The following ENOX1 variants were observed in gnomAD, a reference collection of about 807,000 sequenced individuals.
ENOX1 encodes ecto-NOX disulfide-thiol exchanger 1.
A neutral mutation model predicts 82.5 loss-of-function variants in ENOX1; 42 were observed. That is an observed-to-expected ratio of 0.51 (90% CI 0.40 to 0.66). The LOEUF is 0.66. Ranked by LOEUF, ENOX1 falls within the 30% of genes least tolerant of loss-of-function variation. The pLI is 0.00. For missense variants in ENOX1, 608 were observed against 811.6 expected, an observed-to-expected ratio of 0.75 and a Z score of 3.05; for synonymous variants, 271 against 282.2, an observed-to-expected ratio of 0.96 and a Z score of 0.40.
intron 14 of ENOX1, among the ~76,000 whole-genome samples, chr13:43,254,263 G>A (rs1334832804): frequency 4.6e-5 from 7 of 152,142 alleles, no homozygotes; most frequent in Non-Finnish European, 8.8e-5. Flanking sequence ...AGAGTTCACA[G>A]CACACGACCT....
At chr13:43,715,302 C>CT (rs1442809431) in intron 1 of ENOX1, among the ~76,000 whole-genome samples, 1 of 152,130 alleles carries the variant, frequency 6.6e-6, no homozygotes, top group East Asian at 1.9e-4. Context: ...ATGGGCTTCC[C>CT]TTTGTGGGTA....
chr13:43,634,013 A>G (rs938894784), intron 2 of ENOX1, among the ~76,000 whole-genome samples: 17 of 152,118 alleles, frequency 1.1e-4, no homozygotes, highest in Admixed American at 9.2e-4. Context: ...TATTAATATC[A>G]CCTTTACCTG....
intron 12 of ENOX1, among the ~76,000 whole-genome samples, chr13:43,283,047 C>T (rs2045486254): frequency 6.6e-6 from 1 of 151,462 alleles, no homozygotes; most frequent in Non-Finnish European, 1.5e-5. Flanking sequence ...CACGCCACTG[C>T]ATTCCAGCCT....
At chr13:43,412,260 T>C (rs905290327) in intron 4 of ENOX1, among the ~76,000 whole-genome samples, 1 of 152,138 alleles carries the variant, frequency 6.6e-6, no homozygotes, top group Non-Finnish European at 1.5e-5. Context: ...CTTAATGACA[T>C]GTAGTTTATA....
intron 3 of ENOX1, among the ~76,000 whole-genome samples, chr13:43,470,622 A>G (rs940664353): frequency 5.6e-4 from 85 of 151,468 alleles, no homozygotes; most frequent in Non-Finnish European, 8.6e-4. Context: ...TTACATACAT[A>G]TATATTTTTA....
intron 2 of ENOX1, among the ~76,000 whole-genome samples, chr13:43,583,847 GC>G (rs2080858943): frequency 6.7e-6 from 1 of 149,160 alleles, no homozygotes; most frequent in Non-Finnish European, 1.5e-5. Context: ...TAGGGTAAGG[GC>G]CATGTCTTAT....
At chr13:43,371,505 C>T (rs2051242168) in intron 5 of ENOX1, among the ~76,000 whole-genome samples, 1 of 152,118 alleles carries the variant, frequency 6.6e-6, no homozygotes, top group Non-Finnish European at 1.5e-5. Context: ...GATGGTAATT[C>T]ACAGCATGTA....
chr13:43,596,662 G>A (rs1048187569), intron 2 of ENOX1, among the ~76,000 whole-genome samples: 1 of 152,198 alleles, frequency 6.6e-6, no homozygotes, highest in African/African-American at 2.4e-5. Flanking sequence ...CATAGAATAT[G>A]GGCAATAAAA....
chr13:43,263,499 T>G (rs1398355350), intron 14 of ENOX1, among the ~76,000 whole-genome samples: 2 of 152,224 alleles, frequency 1.3e-5, no homozygotes, highest in African/African-American at 4.8e-5. Flanking sequence ...ATTATCTCAC[T>G]TTACTTTTTC....
chr13:43,538,937 C>T (rs2078589785), intron 2 of ENOX1, among the ~76,000 whole-genome samples: 1 of 152,130 alleles, frequency 6.6e-6, no homozygotes, highest in Non-Finnish European at 1.5e-5. Flanking sequence ...AATCCTCTCA[C>T]ATCAGACTCT....
Position 43,567,029 on chromosome 13 carries a change from T to C in ENOX1, c.-218-82877A>G, listed in dbSNP as rs780280231. Among the ~76,000 whole-genome samples the C allele has an allele frequency of 3.3e-5, 5 of 152,158 alleles. No individual in the cohort carries two copies. In the South Asian group the frequency reaches 8.3e-4, roughly 25 times the overall value. ...AAGAGACAGCCAACAGAAAATGTTA[T>C]TCCATCCAAGAAATCAATTTGTTTA... On this transcript the variant is annotated intron_variant, in intron 2 of 16. Transcript: ENST00000690772.
chr13:43,227,841 C>A (rs2042096270), intron 15 of ENOX1, among the ~76,000 whole-genome samples: 1 of 152,030 alleles, frequency 6.6e-6, no homozygotes, highest in African/African-American at 2.4e-5. Flanking sequence ...ATAGGCTTCC[C>A]AAGCTTTTCC....
At chr13:43,467,383 C>T (rs899207756) in intron 3 of ENOX1, among the ~76,000 whole-genome samples, 4 of 152,088 alleles carry the variant, frequency 2.6e-5, no homozygotes, top group African/African-American at 9.7e-5. Flanking sequence ...AAAATAGTAA[C>T]CCAAGTGGGT....
Position 43,750,944 on chromosome 13 carries a change from T to G in ENOX1, c.-285+35708A>C, listed in dbSNP as rs191484310. ...ATCTTCCTGGAACACAAACGTGGCC[T>G]GTTACTCCTCAGATTAGACACCTTC... is the stretch of plus-strand genomic sequence containing the variant. On this transcript the variant is annotated intron_variant, in intron 1 of 16. Transcript: ENST00000690772. Among the ~76,000 whole-genome samples, 6 of 152,350 alleles carry G rather than the reference T, an allele frequency of 3.9e-5. No homozygotes were observed. The South Asian group carries it at 1.0e-3, about 26-fold the overall frequency.
chr13:43,286,060 C>T (rs1024687630), intron 12 of ENOX1, among the ~76,000 whole-genome samples: 3 of 152,164 alleles, frequency 2.0e-5, no homozygotes, highest in South Asian at 2.1e-4. Context: ...TTACATCAGT[C>T]TGGCTGGGAG....
At chr13:43,335,768 C>CAA (rs386378967) in intron 9 of ENOX1, among the ~76,000 whole-genome samples, 83 of 116,902 alleles carry the variant, frequency 7.1e-4, no homozygotes, top group Admixed American at 2.8e-3. Context: ...GGAAGGATAC[C>CAA]AAAAAAAAAA....
At chr13:43,254,075 G>A (rs1019164529) in intron 14 of ENOX1, among the ~76,000 whole-genome samples, 3 of 152,132 alleles carry the variant, frequency 2.0e-5, no homozygotes, top group Non-Finnish European at 4.4e-5. Flanking sequence ...GCTTAATTTT[G>A]GGGTTGGGTT....
At chr13:43,314,630 G>C (rs1455173881) in intron 11 of ENOX1, among the ~76,000 whole-genome samples, 1 of 152,220 alleles carries the variant, frequency 6.6e-6, no homozygotes, top group Non-Finnish European at 1.5e-5. Context: ...TGGTAACAGT[G>C]TATGTTTTAA....
intron 8 of ENOX1, among the ~76,000 whole-genome samples, chr13:43,348,232 A>G (rs1043886303): frequency 2.6e-5 from 4 of 152,212 alleles, no homozygotes; most frequent in African/African-American, 7.2e-5. Context: ...TCTCTTTGCT[A>G]TGTTTCCACA....
Sources: allele counts gnomAD v4.1 joint callset (sites outside exome capture counted in the v4.1 genomes callset), GRCh38; gene constraint gnomAD v4.1.1; transcripts MANE v1.5; gene names NCBI Gene and HGNC (gene_info 2026-07-23, HGNC 2026-07-21).